The following AMZ1 variants were observed in gnomAD, a reference collection of about 807,000 sequenced individuals.
AMZ1 encodes the protein archaemetzincin-1.
A neutral mutation model predicts 29.9 loss-of-function variants in AMZ1; 39 were observed. The observed-to-expected ratio is 1.30, with a 90% confidence interval of 1.01 to 1.70. The LOEUF (loss-of-function observed/expected upper bound fraction) is 1.70. AMZ1 is among the 40% of genes most tolerant of loss of function. AMZ1 has a pLI of 0.00. For missense variants in AMZ1, 1,041 were observed against 680.6 expected, an observed-to-expected ratio of 1.53 and a Z score of -5.89; for synonymous variants, 458 against 304.0, an observed-to-expected ratio of 1.51 and a Z score of -5.27.
At chr7:2,688,046 C>A (rs1787154633), upstream of AMZ1, among the ~76,000 whole-genome samples, 2 of 152,162 alleles carry the variant, frequency 1.3e-5, no homozygotes, top group African/African-American at 4.8e-5. Flanking sequence ...CTGGAGGGTC[C>A]CACGTGAGCT....
At chr7:2,688,912 A>T (rs796622587) in intron 1 of AMZ1, among the ~76,000 whole-genome samples, 1 of 152,250 alleles carries the variant, frequency 6.6e-6, no homozygotes, top group Non-Finnish European at 1.5e-5. Flanking sequence ...TTTACAAAGG[A>T]CAGGGGAGGG....
chr7:2,695,328 G>C (rs1018185404), intron 1 of AMZ1, among the ~76,000 whole-genome samples: 5 of 152,098 alleles, frequency 3.3e-5, no homozygotes, highest in African/African-American at 9.7e-5. Flanking sequence ...GTGGGCATGC[G>C]GGTCTGGGCA....
chr7:2,744,835 G>C (rs182406784), intron 4 of AMZ1, among the ~76,000 whole-genome samples: 26 of 152,312 alleles, frequency 1.7e-4, no homozygotes, highest in African/African-American at 6.3e-4. Context: ...GGACCTGATG[G>C]AGCTGAAAAC....
intron 4 of AMZ1, among the ~76,000 whole-genome samples, chr7:2,753,089 G>C (rs1425755818): frequency 6.6e-6 from 1 of 151,672 alleles, no homozygotes; most frequent in African/African-American, 2.4e-5. Flanking sequence ...TCACTGATCT[G>C]TTTTCTGTTC....
intron 2 of AMZ1, 28 bp from the exon 3 acceptor site, chr7:2,702,694 A>G (rs1788119919): frequency 8.6e-6 from 13 of 1,505,876 alleles, no homozygotes; most frequent in Non-Finnish European, 1.2e-5. Flanking sequence ...GGGGCGTCGC[A>G]GGGCTGACGG....
intron 4 of AMZ1, among the ~76,000 whole-genome samples, chr7:2,742,632 G>C (rs1260246316): frequency 6.6e-6 from 1 of 152,164 alleles, no homozygotes; most frequent in Non-Finnish European, 1.5e-5. Flanking sequence ...TCTAAAGTCA[G>C]CTGTCAATGT....
chr7:2,733,773 T>C (rs532404190), intron 4 of AMZ1, among the ~76,000 whole-genome samples: 12 of 152,354 alleles, frequency 7.9e-5, no homozygotes, highest in Non-Finnish European at 1.3e-4. Flanking sequence ...TGTGGTGCGA[T>C]GCAGGCCCCT....
At chr7:2,689,804 G>A (rs757857530) in intron 1 of AMZ1, among the ~76,000 whole-genome samples, 3 of 152,200 alleles carry the variant, frequency 2.0e-5, no homozygotes, top group Non-Finnish European at 4.4e-5. Context: ...CTCCATCTGG[G>A]GGTCTCCTTT....
At chr7:2,737,634 A>G (rs1409951497) in intron 4 of AMZ1, among the ~76,000 whole-genome samples, 1 of 152,078 alleles carries the variant, frequency 6.6e-6, no homozygotes, top group East Asian at 1.9e-4. Flanking sequence ...CTAAAATCCT[A>G]AAGCGGGGTC....
rs376052064 is a variant in AMZ1 at position 2,708,577 on chromosome 7, T to C, written c.473-11T>C. The C allele has an allele frequency of 2.2e-5, 36 of 1,611,646 alleles. No homozygotes were observed. The South Asian group carries it at 4.0e-4, about 18-fold the overall frequency. ...GCCTCCTGACCCCATCCTCTGGCCC[T>C]CTCCCCGCAGACGGCATCCTGTCCT... is the stretch of plus-strand genomic sequence containing the variant. On this transcript the variant is annotated splice_polypyrimidine_tract_variant and intron_variant, in intron 3 of 6. Transcript: ENST00000683327.
At chr7:2,745,826 T>C (rs1260624643) in intron 4 of AMZ1, among the ~76,000 whole-genome samples, 2 of 152,104 alleles carry the variant, frequency 1.3e-5, no homozygotes, top group African/African-American at 2.4e-5. Flanking sequence ...TGCAGGAAGA[T>C]CTACCAAGCA....
chr7:2,698,562 C>CG (rs950844518), intron 1 of AMZ1, among the ~76,000 whole-genome samples: 2 of 151,280 alleles, frequency 1.3e-5, no homozygotes, highest in Admixed American at 1.3e-4. Flanking sequence ...AGTTGGGGCT[C>CG]GGGGGGTCTG....
At chr7:2,680,032 G>A (rs1005691133) in intron 1 of AMZ1, among the ~76,000 whole-genome samples, 1 of 152,206 alleles carries the variant, frequency 6.6e-6, no homozygotes, top group African/African-American at 2.4e-5. Context: ...GTGAGACGTG[G>A]TCTTTGAAAG....
At position 2,745,214 on chromosome 7, in the gene AMZ1, T is replaced by C. The variant is rs544134971; in HGVS notation, n.551-19498T>C. On this transcript the variant is annotated intron_variant and non_coding_transcript_variant, in intron 4 of 4. Coordinates refer to the AMZ1 transcript ENST00000489665. ...AGAAAGGCAACTCCAAGACACATAA[T>C]TGTCAGATTCACCAAAGTTGAAATG... Among the ~76,000 whole-genome samples, 61 of 152,216 alleles carry C rather than the reference T, an allele frequency of 4.0e-4. No individual in the cohort carries two copies. In the South Asian group the frequency reaches 8.7e-3, roughly 22 times the overall value.
At chr7:2,684,342 C>A (rs77730300), upstream of AMZ1, among the ~76,000 whole-genome samples, 161 of 152,294 alleles carry the variant, frequency 1.1e-3, no homozygotes, top group African/African-American at 3.8e-3. Flanking sequence ...TGCAACGACT[C>A]GGTTTCCAAA....
chr7:2,696,911 T>C (rs1787781318), intron 1 of AMZ1, among the ~76,000 whole-genome samples: 1 of 151,828 alleles, frequency 6.6e-6, no homozygotes, highest in Non-Finnish European at 1.5e-5. Flanking sequence ...ACAAAAAACC[T>C]TGAGGGCTGG....
upstream of AMZ1, among the ~76,000 whole-genome samples, chr7:2,759,848 T>A (rs996262998): frequency 3.9e-5 from 6 of 151,924 alleles, no homozygotes; most frequent in African/African-American, 1.5e-4. Context: ...TGCCGTCCAA[T>A]GCGATTGTCC....
At chr7:2,698,559 G>C (rs1278449566) in intron 1 of AMZ1, among the ~76,000 whole-genome samples, 1 of 151,538 alleles carries the variant, frequency 6.6e-6, no homozygotes, top group African/African-American at 2.4e-5. Context: ...AGAAGTTGGG[G>C]CTCGGGGGGT....
At position 2,717,003 on chromosome 7, in the gene AMZ1, GAA is replaced by G. The variant is rs1358930959; in HGVS notation, c.*4126_*4127del. ...AAGCAAGCTGGAGCGGTCTGAGCAGGAAGAGAGTAAGAAGGCGCACGGACGCG... is the reference window on the plus strand; with the variant it reads ...AAGCAAGCTGGAGCGGTCTGAGCAGGGAGAGTAAGAAGGCGCACGGACGCG... On this transcript the variant is annotated 3_prime_UTR_variant, in exon 7 of 7. Coordinates refer to ENST00000683327, the MANE Select transcript of AMZ1 (RefSeq NM_001384743.1). Among the ~76,000 whole-genome samples the G allele has an allele frequency of 2.0e-5, 3 of 152,208 alleles. No individual in the cohort carries two copies. The highest frequency in any genetic ancestry group is 7.2e-5 in the African/African-American group (3 of 41,464).
Sources: gnomAD v4.1 joint callset for allele counts (sites outside exome capture counted in the v4.1 genomes callset) on GRCh38, gnomAD v4.1.1 for gene constraint, MANE v1.5 for transcripts, NCBI Gene and HGNC (gene_info 2026-07-23, HGNC 2026-07-21) for gene names.